The following PI4KA variants were observed in gnomAD, a reference collection of about 807,000 sequenced individuals.
PI4KA encodes phosphatidylinositol 4-kinase alpha, also known as PI4-kinase alpha.
PI4KA carries 122 observed loss-of-function variants against 271.4 expected under a neutral mutation model. The observed-to-expected ratio is 0.45, with a 90% CI of 0.39 to 0.52. The LOEUF is 0.52. Among genes scored for constraint, PI4KA ranks in the 20% least tolerant of loss-of-function variants. PI4KA has a pLI of 0.00. For missense variants in PI4KA, 1,969 were observed against 2,769.1 expected (o/e 0.71, Z 6.48); for synonymous variants, 1,041 against 1,078.8 (o/e 0.96, Z 0.69).
chr22:20,847,320 A>G (rs1181263820), intron 1 of PI4KA, among the ~76,000 whole-genome samples: 1 of 152,032 alleles, frequency 6.6e-6, no homozygotes, highest in Admixed American at 6.6e-5. Context: ...AAAAAGAAAA[A>G]CAACTGTAAT....
intron 19 of PI4KA, chr22:20,787,068 G>A: frequency 6.2e-7 from 1 of 1,613,558 alleles, no homozygotes; most frequent in Middle Eastern, 1.7e-4. Flanking sequence ...AGGTCCTAGA[G>A]GTGGAGGTCT....
Position 20,733,148 on chromosome 22 carries a change from T to A in PI4KA, c.4161-50A>T, listed in dbSNP as rs576708873. 4.4e-6 allele frequency: 7 copies of A among 1,606,184 alleles called. No individual in the cohort carries two copies. In the South Asian group the frequency reaches 6.6e-5, roughly 15 times the overall value. On this transcript the variant is annotated intron_variant, in intron 35 of 54. Coordinates refer to ENST00000255882, the MANE Select transcript of PI4KA (RefSeq NM_058004.4). ...GGGCTGAGTGTCTGGAGTCAGGGAC[T>A]AGAGGCCAGTCACACAAAGCAGTGA...
chr22:20,752,620 G>C (rs1389264616), intron 25 of PI4KA, among the ~76,000 whole-genome samples: 1 of 152,218 alleles, frequency 6.6e-6, no homozygotes, highest in Non-Finnish European at 1.5e-5. Flanking sequence ...GGTGCACCAG[G>C]TCATGCCAGA....
At chr22:20,834,434 C>A in intron 3 of PI4KA, 128 bp downstream of exon 3, 1 of 699,268 alleles carries the variant, frequency 1.4e-6, no homozygotes, top group Admixed American at 2.1e-5. Flanking sequence ...ATGCTGCAGG[C>A]AGTTGTTTCC....
At chr22:20,830,000 T>C (rs1463005525) in intron 3 of PI4KA, among the ~76,000 whole-genome samples, 1 of 152,246 alleles carries the variant, frequency 6.6e-6, no homozygotes, top group Admixed American at 6.5e-5. Context: ...TTTATTGTGC[T>C]GTGGCCCTAT....
rs1003574410 is a variant in PI4KA at position 20,744,782 on chromosome 22, T to A, written c.3364-62A>T. ...CACTATCCTTTCCTCGTGTTTACCA[T>A]GGCTAAGCCTAAACCCAATGAAGCA... On this transcript the variant is annotated intron_variant, in intron 29 of 54. Transcript: ENST00000255882. 4.3e-5 allele frequency: 58 copies of A among 1,361,428 alleles called. 1 individual carries two copies. In the African/African-American group the frequency reaches 7.5e-4, roughly 18 times the overall value. 84.3% of individuals were successfully genotyped at this position (1,361,428 alleles called of 1,614,324 possible).
At position 20,747,720 on chromosome 22, in the gene PI4KA, C is replaced by T; in HGVS notation, c.3244-18G>A. On this transcript the variant is annotated intron_variant, in intron 28 of 54. Coordinates refer to ENST00000255882, the MANE Select transcript of PI4KA (RefSeq NM_058004.4). ...AGATATTCCTGAAATAGGAAAAACA[C>T]ATGGGGTTTCAGTTATTTATCTGAT... The T allele has an allele frequency of 6.2e-7, 1 of 1,609,514 alleles. No individual in the cohort carries two copies. The highest frequency in any genetic ancestry group is 8.5e-7 in the Non-Finnish European group (1 of 1,176,352).
chr22:20,738,256 A>C (rs1208736676), intron 32 of PI4KA, among the ~76,000 whole-genome samples: 2 of 152,152 alleles, frequency 1.3e-5, no homozygotes, highest in African/African-American at 4.8e-5. Flanking sequence ...TGTGGGGGAA[A>C]CTGCAACCAT....
At position 20,717,747 on chromosome 22, in the gene PI4KA, C is replaced by G. The variant is rs753474722; in HGVS notation, c.5278G>C (p.Ala1760Pro). 1.3e-6 allele frequency: 2 copies of G among 1,579,020 alleles called. No individual in the cohort carries two copies. Among genetic ancestry groups the G allele is most frequent in the Non-Finnish European group, 8.6e-7 (1 of 1,160,718 alleles). Residue 1760 changes from alanine to proline, a missense_variant, in exon 45 of 55, where the codon GCT becomes CCT. By Grantham distance (27) the Ala-to-Pro change is conservative (BLOSUM62 -1). Around this residue, in one of 13 missense-constraint regions of PI4KA, gnomAD observed 388 missense variants for 521.5 expected, o/e 0.74. Transcript: ENST00000255882. ...ACTTCAGACAGGGCCGACAGACAAG[C>G]CTTCTTTCTCTCGTCGCCTTTAGGG... ...PYPKGDERKK[A>P]CLSALSEVKV...
At chr22:20,740,432 AT>A (rs1233252504) in intron 32 of PI4KA, among the ~76,000 whole-genome samples, 3 of 149,832 alleles carry the variant, frequency 2.0e-5, no homozygotes, top group South Asian at 2.1e-4. Flanking sequence ...AATTAAAAAA[AT>A]ATTGACCTTA....
rs1935546967 is a variant in PI4KA, at chr22:20,804,889, T to C, written c.1360+85A>G. 5 of 1,119,516 alleles carry C rather than the reference T, an allele frequency of 4.5e-6. No homozygotes were observed. In the East Asian group the frequency reaches 7.1e-5, roughly 16 times the overall value. 69.3% of individuals were successfully genotyped at this position (1,119,516 alleles called of 1,614,324 possible). A position where few individuals can be genotyped will look rare whatever the true frequency, so the allele number is the denominator to read the frequency against. The stretch of plus-strand genomic sequence containing the variant: ...GTGCTGGTAACAGAGCCAAGTGTTC[T>C]AGAAGTAGTTTGGGGAAACTTGTGG... On this transcript the variant is annotated intron_variant, in intron 11 of 54. Transcript: ENST00000255882.
chr22:20,850,605 T>C (rs1926843079), intron 1 of PI4KA, among the ~76,000 whole-genome samples: 1 of 151,638 alleles, frequency 6.6e-6, no homozygotes, highest in South Asian at 2.1e-4. Flanking sequence ...GCCCAGCTAA[T>C]TTTTTGTATT....
At chr22:20,842,142 T>G (rs964948272) in intron 1 of PI4KA, among the ~76,000 whole-genome samples, 2 of 151,966 alleles carry the variant, frequency 1.3e-5, no homozygotes, top group East Asian at 1.9e-4. Flanking sequence ...GCAGGAGAAT[T>G]GCTTGAACCC....
At chr22:20,775,162 A>G (rs1933168254) in intron 19 of PI4KA, among the ~76,000 whole-genome samples, 2 of 152,198 alleles carry the variant, frequency 1.3e-5, no homozygotes, top group East Asian at 3.8e-4. Context: ...AGCTCTGGCA[A>G]TTAGCAAGAA....
At chr22:20,839,171 C>T (rs564726635) in intron 1 of PI4KA, among the ~76,000 whole-genome samples, 2 of 152,008 alleles carry the variant, frequency 1.3e-5, no homozygotes, top group East Asian at 1.9e-4. Context: ...GAGCCAAGAT[C>T]GTGCCACTGC....
At chr22:20,846,858 G>T (rs1365796648) in intron 1 of PI4KA, among the ~76,000 whole-genome samples, 2 of 120,844 alleles carry the variant, frequency 1.7e-5, no homozygotes, top group South Asian at 5.8e-4. Flanking sequence ...AAAAAAAAAA[G>T]GGTGGGGGGC....
At chr22:20,776,645 G>A (rs1003067014) in intron 19 of PI4KA, among the ~76,000 whole-genome samples, 4 of 152,322 alleles carry the variant, frequency 2.6e-5, no homozygotes, top group East Asian at 3.9e-4. Context: ...ACTCCAGAGC[G>A]AACAAGGCTG....
At chr22:20,795,119 T>C (rs985260946) in intron 18 of PI4KA, among the ~76,000 whole-genome samples, 2 of 152,156 alleles carry the variant, frequency 1.3e-5, no homozygotes, top group African/African-American at 2.4e-5. Context: ...TGGGATACAT[T>C]GGGGTTTTTC....
chr22:20,809,507 A>C (rs1215237647), intron 9 of PI4KA, among the ~76,000 whole-genome samples: 1 of 152,084 alleles, frequency 6.6e-6, no homozygotes, highest in East Asian at 1.9e-4. Flanking sequence ...AACAAAAAAT[A>C]CCAGAAACTG....
Sources: gnomAD v4.1 joint callset for allele counts (sites outside exome capture counted in the v4.1 genomes callset) on GRCh38, gnomAD v4.1.1 for gene constraint, gnomAD v4.1.1 regional missense constraint, MANE v1.5 for transcripts, NCBI Gene and HGNC (gene_info 2026-07-23, HGNC 2026-07-21) for gene names.